OSTC: variants seen among roughly 807,000 people sequenced by gnomAD.
The protein encoded by OSTC is oligosaccharyltransferase complex subunit OSTC.
In OSTC, 16 loss-of-function variants were observed where a neutral mutation model predicts 16.4. That is an observed-to-expected ratio of 0.98 (90% CI 0.66 to 1.49). OSTC has a LOEUF of 1.49. Ranked by LOEUF, OSTC falls within the 40% of genes most tolerant of loss-of-function variation. The pLI is 0.00. For synonymous variants in OSTC, 67 were observed against 68.5 expected (o/e 0.98, Z 0.11); for missense variants, 139 against 186.3 (o/e 0.75, Z 1.48).
At chr4:108,664,962 G>A (rs1279991585) in intron 3 of OSTC, among the ~76,000 whole-genome samples, 3 of 152,164 alleles carry the variant, frequency 2.0e-5, no homozygotes, top group Admixed American at 2.0e-4. Flanking sequence ...TGGTTGTCAA[G>A]GTGGTTGTGT....
At chr4:108,665,794 G>T (rs1726981358) in intron 3 of OSTC, among the ~76,000 whole-genome samples, 1 of 151,718 alleles carries the variant, frequency 6.6e-6, no homozygotes, top group African/African-American at 2.4e-5. Context: ...TCCTGACCTG[G>T]TGCTCCACCT....
chr4:108,660,107 T>C lies in OSTC; in HGVS notation c.431+2460T>C, dbSNP rs115608608. Among the ~76,000 whole-genome samples the C allele has an allele frequency of 9.7e-3, 1,479 of 152,320 alleles. 27 individuals are homozygous for C. Among genetic ancestry groups the C allele is most frequent in the African/African-American group, 0.034 (1,396 of 41,572 alleles). On this transcript the variant is annotated intron_variant, in intron 3 of 3. Coordinates refer to ENST00000361564, the MANE Select transcript of OSTC (RefSeq NM_021227.4). ...TTTTGCAATCATTTATGTGAACATT[T>C]GTCTTCCTGTCCACATTCTATAGGC...
intron 2 of OSTC, among the ~76,000 whole-genome samples, chr4:108,657,064 CAA>C (rs762968337): frequency 1.0e-4 from 11 of 109,338 alleles, no homozygotes; most frequent in Admixed American, 1.9e-4. Flanking sequence ...GACTCAATCT[CAA>C]AAAAAAAAAA....
Position 108,652,034 on chromosome 4 carries a change from G to A in OSTC, c.139+1240G>A, listed in dbSNP as rs895674980. 4 of 152,102 alleles carry A rather than the reference G, an allele frequency of 2.6e-5. 1 individual carries two copies. Among genetic ancestry groups the A allele is most frequent in the African/African-American group, 9.7e-5 (4 of 41,410 alleles). 9.4% of individuals were successfully genotyped at this position (152,102 alleles called of 1,614,324 possible). A position where few individuals can be genotyped will look rare whatever the true frequency, so the allele number is the denominator to read the frequency against. On this transcript the variant is annotated intron_variant, in intron 1 of 3. Transcript: ENST00000361564. ...GCATTAGCATTAACCATTAACATTT[G>A]CTCATCAAGTTAATAGCTACTGTAC...
intron 3 of OSTC, among the ~76,000 whole-genome samples, 196 bp downstream of exon 3, chr4:108,657,843 A>G (rs1265146955): frequency 6.7e-6 from 1 of 149,192 alleles, no homozygotes; most frequent in Non-Finnish European, 1.5e-5. Flanking sequence ...CTTAGTTGTT[A>G]TCCCCATGAA....
At chr4:108,656,400 C>T (rs1280408163) in intron 2 of OSTC, among the ~76,000 whole-genome samples, 1 of 150,702 alleles carries the variant, frequency 6.6e-6, no homozygotes, top group Non-Finnish European at 1.5e-5. Flanking sequence ...TGCCCTCTTT[C>T]ACACTGTTTG....
intron 3 of OSTC, among the ~76,000 whole-genome samples, chr4:108,661,301 C>T (rs117337842): frequency 2.6e-5 from 4 of 150,984 alleles, no homozygotes; most frequent in Admixed American, 1.3e-4. Flanking sequence ...AAAAATTAAA[C>T]GTAGTCCCTA....
chr4:108,666,962 A>G (rs528448385), intron 3 of OSTC, among the ~76,000 whole-genome samples: 4 of 151,876 alleles, frequency 2.6e-5, no homozygotes, highest in Non-Finnish European at 5.9e-5. Context: ...CTGAGATCAC[A>G]CCATTGCACT....
intron 3 of OSTC, chr4:108,663,426 A>ATC: frequency 3.1e-6 from 1 of 318,452 alleles, no homozygotes; most frequent in Non-Finnish European, 6.1e-6. Context: ...TTAGCCAGTG[A>ATC]TCTCCTAACC....
intron 1 of OSTC, among the ~76,000 whole-genome samples, chr4:108,651,772 A>G (rs1726557126): frequency 6.6e-6 from 1 of 152,206 alleles, no homozygotes; most frequent in Admixed American, 6.5e-5. Flanking sequence ...AAGTAGTTCT[A>G]CTTTTAAGGG....
rs1448875119 is a variant in OSTC, at chr4:108,667,297, G to C, written c.*32G>C. On this transcript the variant is annotated 3_prime_UTR_variant, in exon 4 of 4. Transcript: ENST00000361564. Reference sequence around the variant, plus strand: ...TTTGAGAAGAAATCAGTGGATACTGGATTTGCTCCTGTCAATGAAGTTTTA... The same window carrying C: ...TTTGAGAAGAAATCAGTGGATACTGCATTTGCTCCTGTCAATGAAGTTTTA... 6.3e-7 allele frequency: 1 copy of C among 1,594,270 alleles called. No homozygotes were observed. The highest frequency in any genetic ancestry group is 2.2e-5 in the East Asian group (1 of 44,534).
At chr4:108,655,927 A>G (rs1560622839) in intron 2 of OSTC, among the ~76,000 whole-genome samples, 2 of 152,210 alleles carry the variant, frequency 1.3e-5, no homozygotes, top group African/African-American at 2.4e-5. Flanking sequence ...TCTGGGGGTC[A>G]GTGAACTATA....
At chr4:108,656,826 G>T (rs1004324399) in intron 2 of OSTC, among the ~76,000 whole-genome samples, 6 of 152,236 alleles carry the variant, frequency 3.9e-5, no homozygotes, top group Non-Finnish European at 5.9e-5. Flanking sequence ...TAGACCGGGC[G>T]CAGTGGCTCA....
chr4:108,660,985 G>A (rs1470198605), intron 3 of OSTC, among the ~76,000 whole-genome samples: 10 of 152,172 alleles, frequency 6.6e-5, no homozygotes, highest in African/African-American at 2.4e-4. Flanking sequence ...GGGAGGCCGA[G>A]GTGTGCAGAT....
intron 3 of OSTC, among the ~76,000 whole-genome samples, chr4:108,662,321 A>G (rs1274973801): frequency 1.3e-5 from 2 of 152,258 alleles, no homozygotes; most frequent in African/African-American, 4.8e-5. Flanking sequence ...GAAAATACAT[A>G]AATACTAAAA....
intron 1 of OSTC, chr4:108,651,023 CCTT>C (rs1297768607): frequency 4.1e-5 from 21 of 514,884 alleles, no homozygotes; most frequent in African/African-American, 2.3e-4. Context: ...CCTTTCTTCT[CCTT>C]CTAGCCCTCC....
At chr4:108,662,162 ATCT>A (rs1328025298) in intron 3 of OSTC, among the ~76,000 whole-genome samples, 1 of 152,214 alleles carries the variant, frequency 6.6e-6, no homozygotes, top group Non-Finnish European at 1.5e-5. Context: ...AAAGCTAAGG[ATCT>A]TCTGGATAAA....
chr4:108,652,070 AAATTT>A (rs747104015), intron 1 of OSTC: 3 of 152,360 alleles, frequency 2.0e-5, no homozygotes. Flanking sequence ...TGAATAAACA[AAATTT>A]AAAATGCATG....
intron 1 of OSTC, 154 bp downstream of exon 1, chr4:108,650,948 T>G (rs1417580966): frequency 1.8e-6 from 2 of 1,097,114 alleles, no homozygotes; most frequent in Non-Finnish European, 2.5e-6. Flanking sequence ...GTCCGAAGTG[T>G]TAACGTCCAA....
Sources: allele counts gnomAD v4.1 joint callset (sites outside exome capture counted in the v4.1 genomes callset), GRCh38; gene constraint gnomAD v4.1.1; transcripts MANE v1.5; gene names NCBI Gene and HGNC (gene_info 2026-07-23, HGNC 2026-07-21).